The following STPG2 variants were observed in gnomAD, a reference collection of about 807,000 sequenced individuals.
STPG2 encodes the protein sperm tail PG-rich repeat containing 2.
A neutral mutation model predicts 54.2 loss-of-function variants in STPG2; 56 were observed. The ratio of observed to expected loss-of-function variants is 1.03; its 90% CI spans 0.83 to 1.29. The LOEUF (loss-of-function observed/expected upper bound fraction) is 1.29. Ranked by LOEUF, STPG2 falls within the 50% of genes most tolerant of loss-of-function variation. The pLI is 0.00. For missense variants in STPG2, 596 were observed against 544.9 expected, an observed-to-expected ratio of 1.09 and a Z score of -0.93; for synonymous variants, 200 against 181.8, an observed-to-expected ratio of 1.10 and a Z score of -0.81.
At position 97,972,348 on chromosome 4, in the gene STPG2, A is replaced by G. The variant is rs1254040109; in HGVS notation, c.865T>C (p.Ser289Pro). 6.2e-7 allele frequency: 1 copy of G among 1,611,432 alleles called. No individual in the cohort carries two copies. Among genetic ancestry groups the G allele is most frequent in the Non-Finnish European group, 8.5e-7 (1 of 1,178,516 alleles). The change falls in exon 7 of 11, where the codon TCT (serine) becomes CCT (proline). Residue 289 changes from serine (S) to proline (P), a missense_variant. Ser to Pro is a moderately conservative substitution (Grantham distance 74). Transcript: ENST00000295268. ...KKQKKSAFGSSVPRTFFSVQK... is the reference protein window; with the variant it reads ...KKQKKSAFGSPVPRTFFSVQK... ...ACCGAGAAGAAAGTCCGAGGAACAG[A>G]AGAACCAAATGCACTTTTCTTCTGT...
At chr4:97,983,844 CT>C (rs1294937585) in intron 5 of STPG2, among the ~76,000 whole-genome samples, 1 of 152,160 alleles carries the variant, frequency 6.6e-6, no homozygotes, top group Non-Finnish European at 1.5e-5. Context: ...CATATATACA[CT>C]CATACATAGA....
intron 8 of STPG2, among the ~76,000 whole-genome samples, chr4:97,890,356 A>T (rs190981106): frequency 0.015 from 2,356 of 152,082 alleles, 56 homozygotes; most frequent in African/African-American, 0.051. Context: ...ATTTAAAAAA[A>T]TTTTTTTTAA....
At chr4:97,708,139 A>G (rs1345132271) in intron 10 of STPG2, among the ~76,000 whole-genome samples, 1 of 152,136 alleles carries the variant, frequency 6.6e-6, no homozygotes, top group Non-Finnish European at 1.5e-5. Flanking sequence ...TGAAAGTGCA[A>G]CTCATCTAAA....
At chr4:97,615,853 T>C (rs1427024243) in intron 10 of STPG2, among the ~76,000 whole-genome samples, 3 of 150,726 alleles carry the variant, frequency 2.0e-5, no homozygotes, top group East Asian at 4.0e-4. Flanking sequence ...CTGGCTAACA[T>C]GGCGAAACCC....
intron 10 of STPG2, among the ~76,000 whole-genome samples, chr4:97,572,486 C>A (rs748949636): frequency 6.6e-6 from 1 of 152,034 alleles, no homozygotes; most frequent in Admixed American, 6.6e-5. Flanking sequence ...AAAGTCATGA[C>A]AAAATTTCAA....
At chr4:97,849,263 T>C (rs956289527) in intron 8 of STPG2, among the ~76,000 whole-genome samples, 2 of 151,812 alleles carry the variant, frequency 1.3e-5, no homozygotes, top group African/African-American at 2.4e-5. Context: ...TTTGAAGCAA[T>C]TGTGAATGGG....
At chr4:97,917,052 C>T (rs1731906586) in intron 8 of STPG2, 2 of 152,672 alleles carry the variant, frequency 1.3e-5, no homozygotes, top group African/African-American at 2.4e-5. Flanking sequence ...TTCAGCCATA[C>T]ATTTAAAGTT....
chr4:98,031,969 C>A (rs1447400067), intron 5 of STPG2, among the ~76,000 whole-genome samples: 1 of 152,154 alleles, frequency 6.6e-6, no homozygotes, highest in Non-Finnish European at 1.5e-5. Flanking sequence ...AAAAAATGCT[C>A]AACATCACTA....
chr4:97,955,538 G>T (rs544465882), intron 7 of STPG2, among the ~76,000 whole-genome samples: 2 of 152,198 alleles, frequency 1.3e-5, no homozygotes, highest in East Asian at 3.9e-4. Context: ...TTCTAAGAGT[G>T]TTCGAGGCAT....
chr4:97,610,421 T>C (rs975741917), intron 10 of STPG2, among the ~76,000 whole-genome samples: 1 of 152,032 alleles, frequency 6.6e-6, no homozygotes, highest in Non-Finnish European at 1.5e-5. Flanking sequence ...ATTACTACAA[T>C]TGAGACTACA....
At chr4:98,008,707 A>G (rs1578775405) in intron 5 of STPG2, among the ~76,000 whole-genome samples, 2 of 152,076 alleles carry the variant, frequency 1.3e-5, no homozygotes, top group East Asian at 3.8e-4. Context: ...TAACAACATT[A>G]TGAGAGGAAT....
intron 4 of STPG2, among the ~76,000 whole-genome samples, chr4:97,461,561 C>A (rs1729664158): frequency 2.0e-5 from 3 of 152,168 alleles, no homozygotes; most frequent in Admixed American, 6.5e-5. Flanking sequence ...CAGAACCCAA[C>A]CATGCTCGCA....
At chr4:97,862,920 C>T (rs1729610727) in intron 8 of STPG2, among the ~76,000 whole-genome samples, 1 of 152,038 alleles carries the variant, frequency 6.6e-6, no homozygotes, top group Admixed American at 6.6e-5. Flanking sequence ...CACAACATAC[C>T]AGAATCTCTG....
At position 97,756,329 on chromosome 4, in the gene STPG2, T is replaced by C. The variant is rs1312404328; in HGVS notation, c.1205-43515A>G. Among the ~76,000 whole-genome samples, 3 of 152,158 alleles carry C rather than the reference T, an allele frequency of 2.0e-5. No homozygotes were observed. The East Asian group carries it at 5.8e-4, about 29-fold the overall frequency. ...TTGTTTTGTTTTTGTTTTATTTTGT[T>C]TTGTTTTTTGAGATGGAGTCTTGCT... On this transcript the variant is annotated intron_variant, in intron 9 of 10. Coordinates refer to ENST00000295268, the MANE Select transcript of STPG2 (RefSeq NM_174952.3).
chr4:97,669,169 AT>A (rs1722622506), intron 10 of STPG2, among the ~76,000 whole-genome samples: 2 of 152,158 alleles, frequency 1.3e-5, no homozygotes, highest in Non-Finnish European at 2.9e-5. Flanking sequence ...GGCTGAGTTT[AT>A]TTTTATTAAG....
At chr4:97,908,089 A>G (rs1381434598) in intron 8 of STPG2, among the ~76,000 whole-genome samples, 2 of 151,482 alleles carry the variant, frequency 1.3e-5, no homozygotes, top group Non-Finnish European at 3.0e-5. Context: ...GCAACCTACA[A>G]AATGGGAGAA....
intron 10 of STPG2, among the ~76,000 whole-genome samples, chr4:97,679,479 T>G (rs2148977313): frequency 6.6e-6 from 1 of 152,044 alleles, no homozygotes; most frequent in Non-Finnish European, 1.5e-5. Flanking sequence ...GGTTGTTTGT[T>G]TTTTTCTTGT....
chr4:97,958,948 C>T (rs961261484), intron 7 of STPG2, among the ~76,000 whole-genome samples: 1 of 152,170 alleles, frequency 6.6e-6, no homozygotes, highest in Admixed American at 6.5e-5. Flanking sequence ...ATGCAATGTT[C>T]TCCAAGATAG....
intron 4 of STPG2, among the ~76,000 whole-genome samples, chr4:97,466,746 C>A (rs1406682161): frequency 6.6e-6 from 1 of 151,670 alleles, no homozygotes; most frequent in Admixed American, 6.6e-5. Context: ...AATATAAGAA[C>A]AAAATATGAG....
Sources: gnomAD v4.1 joint callset for allele counts (sites outside exome capture counted in the v4.1 genomes callset) on GRCh38, gnomAD v4.1.1 for gene constraint, MANE v1.5 for transcripts, NCBI Gene and HGNC (gene_info 2026-07-23, HGNC 2026-07-21) for gene names.